The following SLC24A3 variants were observed in gnomAD, a reference collection of about 807,000 sequenced individuals.
The protein encoded by SLC24A3 is solute carrier family 24 member 3, also known as sodium/potassium/calcium exchanger 3.
A neutral mutation model predicts 75.8 loss-of-function variants in SLC24A3; 28 were observed. That is an observed-to-expected ratio of 0.37 (90% CI 0.27 to 0.51). The LOEUF (loss-of-function observed/expected upper bound fraction) is 0.51, where lower values mean the gene tolerates loss of function less well. Among genes scored for constraint, SLC24A3 ranks in the 20% least tolerant of loss-of-function variants. The probability of loss-of-function intolerance (pLI) is 0.94; values close to 1 mark genes in which losing one functional copy is unlikely to be tolerated. For synonymous variants in SLC24A3, 372 were observed against 334.1 expected (o/e 1.11, Z -1.24); for missense variants, 663 against 847.8 (o/e 0.78, Z 2.71).
intron 6 of SLC24A3, among the ~76,000 whole-genome samples, chr20:19,622,834 G>A (rs1600307262): frequency 6.6e-6 from 1 of 152,164 alleles, no homozygotes; most frequent in African/African-American, 2.4e-5. Flanking sequence ...CTTGTGGTGA[G>A]GGCTTCAAGG....
intron 2 of SLC24A3, among the ~76,000 whole-genome samples, chr20:19,306,608 C>G (rs977092081): frequency 6.6e-6 from 1 of 152,040 alleles, no homozygotes; most frequent in Non-Finnish European, 1.5e-5. Flanking sequence ...GAACAGAAAA[C>G]CAAATGCTAC....
intron 3 of SLC24A3, among the ~76,000 whole-genome samples, chr20:19,525,721 G>A (rs1228720844): frequency 5.3e-5 from 8 of 152,090 alleles, no homozygotes; most frequent in African/African-American, 1.2e-4. Context: ...GGGCACCAAC[G>A]GTGCCTGTGA....
At chr20:19,319,254 G>T (rs1984652385) in intron 2 of SLC24A3, among the ~76,000 whole-genome samples, 1 of 152,150 alleles carries the variant, frequency 6.6e-6, no homozygotes, top group Non-Finnish European at 1.5e-5. Context: ...CTTAATTTTT[G>T]CTCCGTAAAT....
intron 2 of SLC24A3, among the ~76,000 whole-genome samples, chr20:19,363,100 CA>C (rs1985821977): frequency 6.6e-6 from 1 of 152,210 alleles, no homozygotes; most frequent in South Asian, 2.1e-4. Context: ...GGAGATGCTC[CA>C]TGTTTGCACG....
chr20:19,522,113 A>G (rs1194801095), intron 3 of SLC24A3, among the ~76,000 whole-genome samples: 1 of 152,190 alleles, frequency 6.6e-6, no homozygotes, highest in African/African-American at 2.4e-5. Context: ...AGTGTGAATG[A>G]GGAGCTAACT....
chr20:19,475,103 C>G (rs1265525819), intron 2 of SLC24A3, among the ~76,000 whole-genome samples: 1 of 152,114 alleles, frequency 6.6e-6, no homozygotes, highest in African/African-American at 2.4e-5. Flanking sequence ...CTTTCGGAGG[C>G]CGAGGTGGGA....
chr20:19,548,859 A>G (rs1187185338), intron 3 of SLC24A3, among the ~76,000 whole-genome samples: 3 of 152,246 alleles, frequency 2.0e-5, no homozygotes, highest in Non-Finnish European at 4.4e-5. Flanking sequence ...AGTTCTGCCT[A>G]CCACAAATGC....
chr20:19,613,627 C>G (rs1480320707), intron 6 of SLC24A3, among the ~76,000 whole-genome samples: 1 of 152,194 alleles, frequency 6.6e-6, no homozygotes, highest in East Asian at 1.9e-4. Flanking sequence ...CCGTTCTCTG[C>G]CTCTTGGCCT....
At chr20:19,541,561 C>A (rs1241744760) in intron 3 of SLC24A3, among the ~76,000 whole-genome samples, 1 of 152,202 alleles carries the variant, frequency 6.6e-6, no homozygotes, top group Non-Finnish European at 1.5e-5. Flanking sequence ...GCCCTCCGCC[C>A]CCATCCACTT....
intron 2 of SLC24A3, among the ~76,000 whole-genome samples, chr20:19,323,665 T>C (rs1160925135): frequency 1.3e-5 from 2 of 152,150 alleles, no homozygotes; most frequent in South Asian, 2.1e-4. Flanking sequence ...GCAGTTAATA[T>C]GGGAGGCCAA....
intron 7 of SLC24A3, among the ~76,000 whole-genome samples, chr20:19,658,628 G>A (rs1355679640): frequency 1.3e-5 from 2 of 152,166 alleles, no homozygotes; most frequent in Non-Finnish European, 2.9e-5. Context: ...TCTTAGCCCT[G>A]GTGACATTCC....
At chr20:19,648,922 C>G (rs895708796) in intron 6 of SLC24A3, among the ~76,000 whole-genome samples, 8 of 152,184 alleles carry the variant, frequency 5.3e-5, no homozygotes, top group Non-Finnish European at 7.3e-5. Context: ...AAAATAGAGT[C>G]TCTGGCTGAA....
intron 1 of SLC24A3, among the ~76,000 whole-genome samples, chr20:19,264,310 C>T (rs941494105): frequency 6.6e-6 from 1 of 152,172 alleles, no homozygotes; most frequent in African/African-American, 2.4e-5. Context: ...CTCGGCTCTC[C>T]TCTGGTGCCA....
At chr20:19,711,789 A>T (rs531465084) in intron 15 of SLC24A3, among the ~76,000 whole-genome samples, 1 of 152,132 alleles carries the variant, frequency 6.6e-6, no homozygotes, top group East Asian at 1.9e-4. Flanking sequence ...ACAGGTACGC[A>T]TCGCCATGCC....
chr20:19,427,123 G>A (rs1179857711), intron 2 of SLC24A3, among the ~76,000 whole-genome samples: 4 of 152,158 alleles, frequency 2.6e-5, no homozygotes, highest in Admixed American at 6.5e-5. Context: ...GTGTGCACAC[G>A]TGTAGGTGTG....
intron 1 of SLC24A3, among the ~76,000 whole-genome samples, chr20:19,214,600 T>G (rs1303363801): frequency 6.6e-6 from 1 of 152,006 alleles, no homozygotes; most frequent in African/African-American, 2.4e-5. Context: ...TTTTTCTGGG[T>G]GAAGGATGTG....
At position 19,645,002 on chromosome 20, in the gene SLC24A3, T is replaced by C. The variant is rs555119087; in HGVS notation, c.613-9060T>C. Among the ~76,000 whole-genome samples, 9 of 152,382 alleles carry C rather than the reference T, an allele frequency of 5.9e-5. No individual in the cohort carries two copies. In the East Asian group the frequency reaches 1.5e-3, roughly 26 times the overall value. On this transcript the variant is annotated intron_variant, in intron 6 of 16. Transcript: ENST00000328041. ...GCTGTATCTGTGATGTCGTCTCCGA[T>C]AGAAATGTGAGCAATTGCGTGCTGG...
At chr20:19,448,784 AGAGTCAAT>A (rs1353951364) in intron 2 of SLC24A3, among the ~76,000 whole-genome samples, 2 of 152,220 alleles carry the variant, frequency 1.3e-5, no homozygotes, top group Non-Finnish European at 2.9e-5. Context: ...AAATGGTCAA[AGAGTCAAT>A]GAGACAAACC....
intron 6 of SLC24A3, among the ~76,000 whole-genome samples, chr20:19,612,926 A>G (rs887655140): frequency 1.3e-4 from 19 of 151,948 alleles, no homozygotes; most frequent in Non-Finnish European, 2.2e-4. Context: ...CCTACAGTCC[A>G]ACCCTTCCTC....
Sources: gnomAD v4.1 joint callset for allele counts (sites outside exome capture counted in the v4.1 genomes callset) on GRCh38, gnomAD v4.1.1 for gene constraint, MANE v1.5 for transcripts, NCBI Gene and HGNC (gene_info 2026-07-23, HGNC 2026-07-21) for gene names.